Variants in PLEKHA1 observed in about 807,000 individuals in gnomAD.
The protein encoded by PLEKHA1 is pleckstrin homology domain containing A1, also known as pleckstrin homology domain-containing family A member 1.
In PLEKHA1, 34 loss-of-function variants were observed where a neutral mutation model predicts 52.0. The observed-to-expected ratio is 0.65, with a 90% CI of 0.50 to 0.87. The LOEUF (loss-of-function observed/expected upper bound fraction) is 0.87, where lower values mean the gene tolerates loss of function less well. Among genes scored for constraint, PLEKHA1 ranks in the 40% least tolerant of loss-of-function variants. The probability of loss-of-function intolerance (pLI) is 0.00; values close to 1 mark genes in which losing one functional copy is unlikely to be tolerated. For missense variants in PLEKHA1, 497 were observed against 504.2 expected (o/e 0.99, Z 0.14); for synonymous variants, 163 against 170.7 (o/e 0.95, Z 0.35).
rs552380304 is a variant in PLEKHA1, at chr10:122,425,027, A to C, written c.810+68A>C. 8.6e-6 allele frequency: 12 copies of C among 1,400,482 alleles called. No individual in the cohort carries two copies. In the South Asian group the frequency reaches 1.4e-4, roughly 17 times the overall value. The allele number at this position is 1,400,482 out of a possible 1,614,324, so 86.8% of individuals were successfully genotyped here. ...AATTAATAATATTAGAGGTGAAATAAACATAAACAAGCTTGTTGCACTTGA... is the reference window on the plus strand; with the variant it reads ...AATTAATAATATTAGAGGTGAAATACACATAAACAAGCTTGTTGCACTTGA... On this transcript the variant is annotated intron_variant, in intron 10 of 11. Transcript: ENST00000368990.
chr10:122,392,810 A>G (rs2096795148), intron 1 of PLEKHA1, among the ~76,000 whole-genome samples: 1 of 152,220 alleles, frequency 6.6e-6, no homozygotes, highest in Non-Finnish European at 1.5e-5. Flanking sequence ...TTGTTTTGTG[A>G]ATTTAAAAAT....
chr10:122,435,095 T>C (rs115820931), downstream of PLEKHA1: 363 of 152,326 alleles, frequency 2.4e-3, 3 homozygotes, highest in African/African-American at 8.3e-3. Flanking sequence ...TCACTTCTAG[T>C]TGCAGTTCAG....
chr10:122,404,233 A>T (rs975852210), intron 4 of PLEKHA1, among the ~76,000 whole-genome samples: 1 of 152,076 alleles, frequency 6.6e-6, no homozygotes, highest in African/African-American at 2.4e-5. Context: ...TTGATTCCAG[A>T]CTGATTTTTT....
At chr10:122,399,495 A>G (rs2096896539) in intron 3 of PLEKHA1, among the ~76,000 whole-genome samples, 1 of 152,118 alleles carries the variant, frequency 6.6e-6, no homozygotes, top group South Asian at 2.1e-4. Flanking sequence ...TCCCATTTTG[A>G]TCTCCTCATA....
intron 1 of PLEKHA1, among the ~76,000 whole-genome samples, chr10:122,390,300 A>G (rs1180937588): frequency 6.6e-6 from 1 of 152,226 alleles, no homozygotes; most frequent in African/African-American, 2.4e-5. Flanking sequence ...TCTTCATATC[A>G]GCAATAAAGC....
At chr10:122,409,513 C>CT (rs2097075732) in intron 5 of PLEKHA1, among the ~76,000 whole-genome samples, 1 of 152,058 alleles carries the variant, frequency 6.6e-6, no homozygotes, top group African/African-American at 2.4e-5. Context: ...TAAGGAATGT[C>CT]TAAGATATAT....
chr10:122,423,452 C>G (rs1044559692), intron 8 of PLEKHA1: 17 of 147,888 alleles, frequency 1.1e-4, no homozygotes, highest in African/African-American at 4.2e-4. Flanking sequence ...AAAAAAACAA[C>G]AACACTCTGT....
intron 1 of PLEKHA1, among the ~76,000 whole-genome samples, chr10:122,391,231 G>C (rs924640754): frequency 6.7e-6 from 1 of 150,144 alleles, no homozygotes; most frequent in East Asian, 1.9e-4. Flanking sequence ...TCCTTCTATA[G>C]ATTTTCTTTT....
At chr10:122,386,105 A>G (rs1454945512) in intron 1 of PLEKHA1, among the ~76,000 whole-genome samples, 1 of 152,218 alleles carries the variant, frequency 6.6e-6, no homozygotes, top group East Asian at 1.9e-4. Flanking sequence ...CACCAGCAAT[A>G]TATGATAGTT....
the PLEKHA1 span, chr10:122,439,169 A>G: frequency 3.3e-5 from 5 of 152,192 alleles, no homozygotes; most frequent in Admixed American, 1.3e-4. Context: ...AATTTGGTGA[A>G]AGCTGTTAAT....
downstream of PLEKHA1, chr10:122,437,156 G>GGTTC (rs996768456): frequency 1.3e-5 from 2 of 151,858 alleles, no homozygotes; most frequent in African/African-American, 4.8e-5. Flanking sequence ...TCACGGTCTT[G>GGTTC]GTTCGTATTG....
rs1312986210 is a variant in PLEKHA1, at chr10:122,430,549, A to G, written c.*611A>G. 1.3e-5 allele frequency: 2 copies of G among 152,766 alleles called. No homozygotes were observed. Among genetic ancestry groups the G allele is most frequent in the Admixed American group, 6.5e-5 (1 of 15,296 alleles). The allele number at this position is 152,766 out of a possible 1,614,324, so 9.5% of individuals were successfully genotyped here. A position where few individuals can be genotyped will look rare whatever the true frequency, so the allele number is the denominator to read the frequency against. ...AGTAAGGGTTGTGGGTTATACCGGCATAGAGAAAAGAAGAAAACTAGAATT... is the reference window on the plus strand; with the variant it reads ...AGTAAGGGTTGTGGGTTATACCGGCGTAGAGAAAAGAAGAAAACTAGAATT... On this transcript the variant is annotated 3_prime_UTR_variant, in exon 12 of 12. Transcript: ENST00000368990.
chr10:122,397,189 C>G, intron 2 of PLEKHA1, among the ~76,000 whole-genome samples: 1 of 152,070 alleles, frequency 6.6e-6, no homozygotes, highest in Middle Eastern at 3.4e-3. Flanking sequence ...GAATATTCTC[C>G]CCTGCTTTTT....
chr10:122,415,857 A>G lies in PLEKHA1; in HGVS notation c.469-2A>G. On this transcript the variant is annotated splice_acceptor_variant, in intron 6 of 11. Transcript: ENST00000368990. LOFTEE classifies it high-confidence loss of function. ...TAATTTATTTATTTTGCTTCATTTT[A>G]GAAAGAAGAAGTAAATGAATGTGGT... 3 of 1,604,422 alleles carry G rather than the reference A, an allele frequency of 1.9e-6. No homozygotes were observed. Among genetic ancestry groups the G allele is most frequent in the Non-Finnish European group, 2.6e-6 (3 of 1,174,090 alleles).
At chr10:122,409,166 A>C (rs537169450) in intron 5 of PLEKHA1, among the ~76,000 whole-genome samples, 1 of 152,232 alleles carries the variant, frequency 6.6e-6, no homozygotes, top group East Asian at 1.9e-4. Flanking sequence ...TTCCCTTTAC[A>C]GTTGCTTTTC....
intron 3 of PLEKHA1, among the ~76,000 whole-genome samples, chr10:122,399,193 G>A (rs1444935625): frequency 6.6e-6 from 1 of 152,026 alleles, no homozygotes; most frequent in African/African-American, 2.4e-5. Context: ...ATTTATTTCT[G>A]GAACAAACTT....
chr10:122,374,858 G>T, intron 1 of PLEKHA1, 52 bp downstream of exon 1: 1 of 153,352 alleles, frequency 6.5e-6, no homozygotes, highest in South Asian at 1.8e-4. Context: ...GTGGTGGACG[G>T]GGCCAGGCGC....
At chr10:122,404,184 A>G (rs752541560) in intron 4 of PLEKHA1, among the ~76,000 whole-genome samples, 1 of 152,194 alleles carries the variant, frequency 6.6e-6, no homozygotes, top group Non-Finnish European at 1.5e-5. Context: ...TGTTTAAAAG[A>G]TGATATTGCT....
chr10:122,403,580 T>G (rs185764957), intron 4 of PLEKHA1, among the ~76,000 whole-genome samples: 3 of 149,676 alleles, frequency 2.0e-5, no homozygotes, highest in African/African-American at 7.4e-5. Context: ...AGGGTTTTTA[T>G]GGCAACTTAG....
Sources: gnomAD v4.1 joint callset for allele counts (sites outside exome capture counted in the v4.1 genomes callset) on GRCh38, gnomAD v4.1.1 for gene constraint, MANE v1.5 for transcripts, NCBI Gene and HGNC (gene_info 2026-07-23, HGNC 2026-07-21) for gene names.